The following WDFY4 variants were observed in gnomAD, a reference collection of about 807,000 sequenced individuals.
WDFY4 encodes the protein WD repeat- and FYVE domain-containing protein 4.
WDFY4 carries 169 observed loss-of-function variants against 351.9 expected under a neutral mutation model. The ratio of observed to expected loss-of-function variants is 0.48; its 90% CI spans 0.42 to 0.55. The LOEUF (loss-of-function observed/expected upper bound fraction) is 0.55, where lower values mean the gene tolerates loss of function less well. WDFY4 is among the 20% of genes least tolerant of loss of function. The probability of loss-of-function intolerance (pLI) is 0.00; values close to 1 mark genes in which losing one functional copy is unlikely to be tolerated. For missense variants in WDFY4, 3,803 were observed against 3,935.6 expected, an observed-to-expected ratio of 0.97 and a Z score of 0.90; for synonymous variants, 1,622 against 1,574.6, an observed-to-expected ratio of 1.03 and a Z score of -0.71.
chr10:48,873,075 T>TCCA (rs1198226195), intron 40 of WDFY4, among the ~76,000 whole-genome samples: 21 of 152,182 alleles, frequency 1.4e-4, no homozygotes, highest in South Asian at 2.1e-4. Context: ...CCCACTCCAC[T>TCCA]CTAGTTCAGG....
chr10:48,712,851 C>T (rs568038434), intron 2 of WDFY4, among the ~76,000 whole-genome samples: 6 of 152,254 alleles, frequency 3.9e-5, no homozygotes, highest in African/African-American at 1.2e-4. Flanking sequence ...CCACTTCTCC[C>T]GGAATGTGGC....
chr10:48,946,367 G>A (rs945082203), intron 50 of WDFY4, among the ~76,000 whole-genome samples: 7 of 152,260 alleles, frequency 4.6e-5, no homozygotes, highest in African/African-American at 9.6e-5. Context: ...AAATAAGTCC[G>A]TGGTGTGGCA....
Position 48,787,889 on chromosome 10 carries a change from TTCTCCTTC to T in WDFY4, c.3809-639_3809-632del, listed in dbSNP as rs1565198336. Among the ~76,000 whole-genome samples, 3 of 79,050 alleles carry T rather than the reference TTCTCCTTC, an allele frequency of 3.8e-5. No homozygotes were observed. The East Asian group carries it at 1.7e-3, about 44-fold the overall frequency. The allele number at this position is 79,050 out of a possible 152,430, so 51.9% of individuals were successfully genotyped here. On this transcript the variant is annotated intron_variant, in intron 20 of 61. Transcript: ENST00000325239. ...CTTCTTTCTTCTTTCTTTCTTCTTCTTCTCCTTCTTCTTCTTCTTCTTCTTCTTCTTCT... is the reference window on the plus strand; with the variant it reads ...CTTCTTTCTTCTTTCTTTCTTCTTCTTTCTTCTTCTTCTTCTTCTTCTTCT...
rs34024210 is a variant in WDFY4, at chr10:48,933,230, AG to A, written c.7587-8572del. Among the ~76,000 whole-genome samples, 776 of 152,312 alleles carry A rather than the reference AG, an allele frequency of 5.1e-3. 7 individuals carry two copies. The highest frequency in any genetic ancestry group is 0.018 in the African/African-American group (747 of 41,578). On this transcript the variant is annotated intron_variant, in intron 47 of 61. Coordinates refer to ENST00000325239, the MANE Select transcript of WDFY4 (RefSeq NM_001394531.1). ...CCCAAGGGCAGGCTGGAACTGCTAG[AG>A]GGGCCTAGCACTTCCCATATCTTTT... is the stretch of plus-strand genomic sequence containing the variant.
chr10:48,705,054 C>T (rs75323877), intron 1 of WDFY4, among the ~76,000 whole-genome samples: 3,760 of 152,212 alleles, frequency 0.025, 144 homozygotes, highest in African/African-American at 0.085. Flanking sequence ...TGTTCAAACC[C>T]CAGCAGTCTG....
intron 39 of WDFY4, among the ~76,000 whole-genome samples, chr10:48,863,196 C>T (rs1314152237): frequency 6.6e-6 from 1 of 152,126 alleles, no homozygotes; most frequent in Non-Finnish European, 1.5e-5. Flanking sequence ...CAATTTTTAT[C>T]TTGGGTGTAT....
chr10:48,966,955 C>T, intron 55 of WDFY4: 1 of 431,182 alleles, frequency 2.3e-6, no homozygotes, highest in South Asian at 4.2e-5. Flanking sequence ...TTCAGGCACA[C>T]ACACACATCT....
At chr10:48,823,167 C>T (rs577335704) in intron 35 of WDFY4, 300 of 1,198,552 alleles carry the variant, frequency 2.5e-4, no homozygotes, top group Non-Finnish European at 3.1e-4. Flanking sequence ...TGAAAGAGAC[C>T]TTTTTTTTTT....
chr10:48,820,155 C>G, intron 32 of WDFY4, 79 bp from the exon 33 acceptor site: 6 of 1,456,552 alleles, frequency 4.1e-6, no homozygotes, highest in Non-Finnish European at 5.6e-6. Flanking sequence ...AATAATCCGC[C>G]CATGTACATG....
At chr10:48,894,487 A>G (rs1391809444) in intron 44 of WDFY4, among the ~76,000 whole-genome samples, 2 of 152,242 alleles carry the variant, frequency 1.3e-5, no homozygotes, top group African/African-American at 4.8e-5. Context: ...TCTGGAATGC[A>G]GTTTCCTCAT....
At chr10:48,899,473 A>G (rs1448535950) in intron 45 of WDFY4, among the ~76,000 whole-genome samples, 7 of 151,934 alleles carry the variant, frequency 4.6e-5, no homozygotes, top group Admixed American at 6.6e-5. Context: ...CTGAGTCTGA[A>G]TCTTACCCCA....
chr10:48,811,339 G>A (rs2067438588), intron 29 of WDFY4, among the ~76,000 whole-genome samples, 200 bp from the exon 30 acceptor site: 2 of 152,318 alleles, frequency 1.3e-5, no homozygotes, highest in South Asian at 4.1e-4. Context: ...GTTTTTGAGT[G>A]AATGAATGAG....
intron 49 of WDFY4, 35 bp from the exon 50 acceptor site, chr10:48,946,005 G>A (rs1307066077): frequency 4.2e-6 from 6 of 1,439,078 alleles, no homozygotes; most frequent in Non-Finnish European, 5.6e-6. Context: ...AAGCGGGTCT[G>A]GGGAGTTAAC....
intron 19 of WDFY4, among the ~76,000 whole-genome samples, chr10:48,781,153 T>G (rs1186293247): frequency 1.3e-5 from 2 of 152,098 alleles, no homozygotes; most frequent in Non-Finnish European, 1.5e-5. Context: ...GTGGGACACA[T>G]ATAGGTGAAT....
Position 48,805,121 on chromosome 10 carries a change from T to C in WDFY4, c.4485-139T>C, listed in dbSNP as rs553694782. The C allele has an allele frequency of 2.5e-5, 26 of 1,040,618 alleles. No homozygotes were observed. In the African/African-American group the frequency reaches 2.9e-4, roughly 12 times the overall value. The allele number at this position is 1,040,618 out of a possible 1,614,324, so 64.5% of individuals were successfully genotyped here. A position where few individuals can be genotyped will look rare whatever the true frequency, so the allele number is the denominator to read the frequency against. On this transcript the variant is annotated intron_variant, in intron 25 of 61. Transcript: ENST00000325239. The stretch of plus-strand genomic sequence containing the variant: ...CATATTCAATGGGTGTCTGACGGCA[T>C]CTTGACAAATTGCCAAGAGAGCATT...
intron 1 of WDFY4, among the ~76,000 whole-genome samples, chr10:48,696,434 C>T (rs1328419254): frequency 6.6e-6 from 1 of 152,252 alleles, no homozygotes; most frequent in African/African-American, 2.4e-5. Flanking sequence ...TGGAGGCAGC[C>T]CTCCTGCTCG....
At chr10:48,760,241 A>T (rs1430725407) in intron 12 of WDFY4, 106 bp from the exon 13 acceptor site, 2 of 981,590 alleles carry the variant, frequency 2.0e-6, no homozygotes, top group South Asian at 1.5e-5. Flanking sequence ...ATAAGACAGG[A>T]TGTGTACCAT....
intron 49 of WDFY4, among the ~76,000 whole-genome samples, chr10:48,944,710 G>A (rs1840951003): frequency 6.6e-6 from 1 of 152,208 alleles, no homozygotes; most frequent in Non-Finnish European, 1.5e-5. Flanking sequence ...CGGAGGCTGA[G>A]GCATTTCAAA....
intron 13 of WDFY4, among the ~76,000 whole-genome samples, chr10:48,767,973 C>T (rs914546367): frequency 1.3e-5 from 2 of 152,098 alleles, no homozygotes; most frequent in African/African-American, 4.8e-5. Context: ...AGATGGGGAC[C>T]TTCTAGAGCA....
Sources: allele counts gnomAD v4.1 joint callset (sites outside exome capture counted in the v4.1 genomes callset), GRCh38; gene constraint gnomAD v4.1.1; transcripts MANE v1.5; gene names NCBI Gene and HGNC (gene_info 2026-07-23, HGNC 2026-07-21).